The following KDM4B variants were observed in gnomAD, a reference collection of about 807,000 sequenced individuals.
KDM4B encodes lysine demethylase 4B, also known as lysine-specific demethylase 4B.
In KDM4B, 32 loss-of-function variants were observed where a neutral mutation model predicts 125.2. The observed-to-expected ratio is 0.26, with a 90% CI of 0.19 to 0.34. KDM4B has a LOEUF of 0.34. Among genes scored for constraint, KDM4B ranks in the 10% least tolerant of loss-of-function variants. The probability of loss-of-function intolerance (pLI) is 1.00; values close to 1 mark genes in which losing one functional copy is unlikely to be tolerated. For synonymous variants in KDM4B, 721 were observed against 677.9 expected (o/e 1.06, Z -0.99); for missense variants, 1,190 against 1,577.7 (o/e 0.75, Z 4.16).
rs377014950 is a variant in KDM4B, at chr19:5,133,864, C to T, written c.1907-19C>T. ...AGGGGGCTCAAGTGTCTCTCTCCCT[C>T]TCCCCTCTGTTCTTCTAGAGGCATC... On this transcript the variant is annotated intron_variant, in intron 13 of 22. Transcript: ENST00000159111. 33 of 1,610,494 alleles carry T rather than the reference C, an allele frequency of 2.0e-5. No individual in the cohort carries two copies. In the African/African-American group the frequency reaches 2.5e-4, roughly 12 times the overall value.
At chr19:5,049,363 C>G (rs554292911) in intron 6 of KDM4B, among the ~76,000 whole-genome samples, 2 of 152,074 alleles carry the variant, frequency 1.3e-5, no homozygotes, top group Non-Finnish European at 2.9e-5. Context: ...CCCCATGACC[C>G]GTCGTGGGAG....
intron 5 of KDM4B, 116 bp downstream of exon 5, chr19:5,041,367 C>A (rs1341860596): frequency 9.8e-6 from 7 of 715,020 alleles, no homozygotes; most frequent in Non-Finnish European, 1.4e-5. Context: ...CAAGGTTAAC[C>A]CCCTCGCCCA....
chr19:5,038,426 G>T (rs1317047344), intron 3 of KDM4B, among the ~76,000 whole-genome samples: 3 of 152,246 alleles, frequency 2.0e-5, no homozygotes, highest in African/African-American at 7.2e-5. Flanking sequence ...GCTCCTGGAT[G>T]TCTCCAGAAA....
chr19:4,969,277 G>T (rs1384445212), intron 1 of KDM4B, 47 bp downstream of exon 1: 2 of 146,700 alleles, frequency 1.4e-5, no homozygotes, highest in South Asian at 2.1e-4. Context: ...CGCGGACCCC[G>T]CCGCCATGGC....
rs759403028 is a variant in KDM4B at position 5,119,580 on chromosome 19, C to T, written c.1116-73C>T. ...GGGGTGGGCGGGGGCTGCGTGCTGCCGGACAGAGTGCACAGACCTAGGGCT... is the reference window on the plus strand; with the variant it reads ...GGGGTGGGCGGGGGCTGCGTGCTGCTGGACAGAGTGCACAGACCTAGGGCT... On this transcript the variant is annotated intron_variant, in intron 10 of 22. Transcript: ENST00000159111. 57 of 1,414,714 alleles carry T rather than the reference C, an allele frequency of 4.0e-5. 1 individual carries two copies. Among genetic ancestry groups the T allele is most frequent in the South Asian group, 1.5e-4 (12 of 81,176 alleles). The allele number at this position is 1,414,714 out of a possible 1,614,324, so 87.6% of individuals were successfully genotyped here.
At chr19:4,974,912 T>G (rs889297814) in intron 1 of KDM4B, among the ~76,000 whole-genome samples, 1 of 152,030 alleles carries the variant, frequency 6.6e-6, no homozygotes, top group Non-Finnish European at 1.5e-5. Flanking sequence ...CTTCCTTCCT[T>G]TCCTCCCTTT....
In KDM4B at chr19:5,032,877, G is replaced by A. The variant is rs765609030; in HGVS notation, c.-14G>A. On this transcript the variant is annotated 5_prime_UTR_variant, in exon 3 of 23. Coordinates refer to ENST00000159111, the MANE Select transcript of KDM4B (RefSeq NM_015015.3). The stretch of plus-strand genomic sequence containing the variant: ...GTCTTCCTCCACAGGTGTGCTTCCC[G>A]CACAGCTGCAGCCATGGGGTCTGAG... The A allele has an allele frequency of 9.3e-6, 15 of 1,613,364 alleles. No individual in the cohort carries two copies. Among genetic ancestry groups the A allele is most frequent in the East Asian group, 2.2e-5 (1 of 44,872 alleles).
chr19:5,067,039 G>T (rs1173014434), intron 6 of KDM4B, among the ~76,000 whole-genome samples: 1 of 152,176 alleles, frequency 6.6e-6, no homozygotes, highest in Non-Finnish European at 1.5e-5. Context: ...GATTCCTCCA[G>T]GCAAGGCCAG....
In KDM4B at chr19:5,131,213, CT is replaced by C; in HGVS notation, c.1454del (p.Leu485ArgfsTer34). The C allele has an allele frequency of 6.2e-7, 1 of 1,605,688 alleles. No individual in the cohort carries two copies. Among genetic ancestry groups the C allele is most frequent in the Non-Finnish European group, 8.5e-7 (1 of 1,176,626 alleles). ...GGAGGCGCTGTGGCTGCCATCCCCA[CT>C]GGAGCCCCCGGTGCTGGGCCCAGGC... ...SEEALWLPSPLEPPVLGPGPA... is the reference protein window; with the variant it reads ...SEEALWLPSPXEPPVLGPGPA... On this transcript the variant is annotated frameshift_variant, in exon 12 of 23. Transcript: ENST00000159111. LOFTEE classifies it high-confidence loss of function.
intron 1 of KDM4B, among the ~76,000 whole-genome samples, chr19:4,973,394 G>A (rs1234005603): frequency 6.6e-6 from 1 of 152,062 alleles, no homozygotes; most frequent in Non-Finnish European, 1.5e-5. Flanking sequence ...TCACCATGTT[G>A]ACCAGGCTGG....
At chr19:5,023,155 G>C (rs1482922383) in intron 2 of KDM4B, among the ~76,000 whole-genome samples, 1 of 152,192 alleles carries the variant, frequency 6.6e-6, no homozygotes. Context: ...TCAGAGAGAG[G>C]CTGGAAGAGG....
In KDM4B at chr19:5,042,630, G is replaced by A. The variant is rs533694950; in HGVS notation, c.432+1379G>A. ...GGGAGGCCTCAGGAAACTTAGAGTC[G>A]TGGCAAAGGTGAAGGAGGAGCTGAT... On this transcript the variant is annotated intron_variant, in intron 5 of 22. Transcript: ENST00000159111. Among the ~76,000 whole-genome samples, 155 of 151,988 alleles carry A rather than the reference G, an allele frequency of 1.0e-3. 1 individual carries two copies. In the South Asian group the frequency reaches 0.019, roughly 18 times the overall value.
At chr19:5,106,762 G>C (rs560812241) in intron 9 of KDM4B, among the ~76,000 whole-genome samples, 2 of 152,124 alleles carry the variant, frequency 1.3e-5, no homozygotes, top group Non-Finnish European at 2.9e-5. Context: ...GGCACCAAGA[G>C]GGGGGGCCTT....
At chr19:4,993,105 C>T (rs986306211) in intron 1 of KDM4B, among the ~76,000 whole-genome samples, 4 of 152,106 alleles carry the variant, frequency 2.6e-5, no homozygotes, top group Non-Finnish European at 5.9e-5. Context: ...GTTGTGTTAT[C>T]TTTTATTGAA....
chr19:4,972,013 C>A (rs527452079), intron 1 of KDM4B, among the ~76,000 whole-genome samples: 14 of 152,214 alleles, frequency 9.2e-5, no homozygotes, highest in African/African-American at 3.4e-4. Flanking sequence ...TCCTCATCCA[C>A]AGCCTCACCC....
rs1226892965 is a variant in KDM4B, at chr19:5,081,769, C to T, written c.781-598C>T. Reference sequence around the variant, plus strand: ...ATTGAAAGATGGCTTGGGATGGCGGCGTGTCGCAGGCCCCTTCCTGGCGTG... The same window carrying T: ...ATTGAAAGATGGCTTGGGATGGCGGTGTGTCGCAGGCCCCTTCCTGGCGTG... On this transcript the variant is annotated intron_variant, in intron 8 of 22. Coordinates refer to ENST00000159111, the MANE Select transcript of KDM4B (RefSeq NM_015015.3). The surrounding 1 kb of genome is among the most constrained non-coding windows in gnomAD (Gnocchi z 4.2). Among the ~76,000 whole-genome samples the T allele has an allele frequency of 2.6e-5, 4 of 152,268 alleles. No homozygotes were observed. The highest frequency in any genetic ancestry group is 1.3e-4 in the Admixed American group (2 of 15,302).
chr19:5,098,321 G>A (rs1023933063), intron 9 of KDM4B, among the ~76,000 whole-genome samples: 4 of 152,168 alleles, frequency 2.6e-5, no homozygotes, highest in Non-Finnish European at 5.9e-5. Flanking sequence ...CAGTTTCATT[G>A]GATTTCAGGC....
At chr19:5,100,405 T>TTGTTG (rs2145948189) in intron 9 of KDM4B, among the ~76,000 whole-genome samples, 1 of 152,174 alleles carries the variant, frequency 6.6e-6, no homozygotes, top group African/African-American at 2.4e-5. Context: ...CTTTTTTGTT[T>TTGTTG]TTGTTGTTGT....
At chr19:5,135,239 G>A (rs1344149418) in intron 14 of KDM4B, 100 bp from the exon 15 acceptor site, 2 of 737,628 alleles carry the variant, frequency 2.7e-6, no homozygotes, top group African/African-American at 1.8e-5. Flanking sequence ...GAGCCAGGGG[G>A]TGTCGAAGCC....
Sources: allele counts gnomAD v4.1 joint callset (sites outside exome capture counted in the v4.1 genomes callset), GRCh38; gene constraint gnomAD v4.1.1; non-coding constraint Gnocchi (gnomAD v3.1); transcripts MANE v1.5; gene names NCBI Gene and HGNC (gene_info 2026-07-23, HGNC 2026-07-21).